Variants in TNFRSF10A observed in about 807,000 individuals in gnomAD.
TNFRSF10A encodes the protein tumor necrosis factor receptor superfamily member 10A.
In TNFRSF10A, 44 loss-of-function variants were observed where a neutral mutation model predicts 42.8. That is an observed-to-expected ratio of 1.03 (90% CI 0.81 to 1.32). The LOEUF (loss-of-function observed/expected upper bound fraction) is 1.32, where lower values mean the gene tolerates loss of function less well. Ranked by LOEUF, TNFRSF10A falls within the 40% of genes most tolerant of loss-of-function variation. The pLI, the probability that TNFRSF10A is intolerant of heterozygous loss-of-function variation, is 0.00. For missense variants in TNFRSF10A, 680 were observed against 602.0 expected (o/e 1.13, Z -1.36); for synonymous variants, 259 against 234.2 (o/e 1.11, Z -0.97).
chr8:23,217,532 A>G (rs1801201180), intron 1 of TNFRSF10A, among the ~76,000 whole-genome samples: 1 of 151,996 alleles, frequency 6.6e-6, no homozygotes, highest in South Asian at 2.1e-4. Context: ...CACTTCTAAC[A>G]CTAAAAATAG....
intron 2 of TNFRSF10A, among the ~76,000 whole-genome samples, chr8:23,203,781 C>CTTT (rs373965763): frequency 7.3e-6 from 1 of 136,530 alleles, no homozygotes; most frequent in Non-Finnish European, 1.6e-5. Context: ...ATAATAAAGG[C>CTTT]TTTTTTTTTT....
intron 2 of TNFRSF10A, among the ~76,000 whole-genome samples, chr8:23,209,224 T>A (rs1585284780): frequency 6.6e-6 from 1 of 152,210 alleles, no homozygotes; most frequent in Non-Finnish European, 1.5e-5. Flanking sequence ...AGAAGATGTA[T>A]GAAAACGCCT....
In TNFRSF10A at chr8:23,200,729, A is replaced by G. The variant is rs762305247; in HGVS notation, c.661T>C (p.Cys221Arg). The G allele has an allele frequency of 8.7e-6, 14 of 1,613,600 alleles. No individual in the cohort carries two copies. In the Admixed American group the frequency reaches 1.8e-4, roughly 21 times the overall value. ...CACTCGATGTCACTCCAGGGCGTACAATCCTTGACCTTGACCATCCCTCTG... is the reference window on the plus strand; with the variant it reads ...CACTCGATGTCACTCCAGGGCGTACGATCCTTGACCTTGACCATCCCTCTG... ...CPRGMVKVKD[C>R]TPWSDIECVH... Residue 221 changes from cysteine (C) to arginine (R), a missense_variant, in exon 5 of 10, where the codon TGT (cysteine) becomes CGT (arginine). Cys to Arg is a radical substitution (Grantham distance 180, BLOSUM62 -3). Coordinates refer to ENST00000221132, the MANE Select transcript of TNFRSF10A (RefSeq NM_003844.4).
rs1367544957 is a variant in TNFRSF10A, at chr8:23,191,054, C to G, written c.*640G>C. On this transcript the variant is annotated 3_prime_UTR_variant, in exon 10 of 10. Coordinates refer to ENST00000221132, the MANE Select transcript of TNFRSF10A (RefSeq NM_003844.4). ...CCCAGTCTGTCGGACGGTGCCCCCCCAAATTAAGGGTAGGTCTTTTCCACT... is the reference window on the plus strand; with the variant it reads ...CCCAGTCTGTCGGACGGTGCCCCCCGAAATTAAGGGTAGGTCTTTTCCACT... 1.3e-5 allele frequency: 2 copies of G among 152,044 alleles called. No individual in the cohort carries two copies. Among genetic ancestry groups the G allele is most frequent in the African/African-American group, 4.8e-5 (2 of 41,378 alleles). 9.4% of individuals were successfully genotyped at this position (152,044 alleles called of 1,614,324 possible).
intron 9 of TNFRSF10A, among the ~76,000 whole-genome samples, chr8:23,195,349 T>C (rs764805000): frequency 7.2e-5 from 11 of 152,224 alleles, no homozygotes; most frequent in Non-Finnish European, 1.3e-4. Flanking sequence ...TTTTTTCTTC[T>C]TTGCTATTTA....
intron 1 of TNFRSF10A, among the ~76,000 whole-genome samples, chr8:23,220,922 C>A (rs951603202): frequency 6.6e-6 from 1 of 152,198 alleles, no homozygotes; most frequent in Non-Finnish European, 1.5e-5. Flanking sequence ...CAAACTGCAA[C>A]CAGTGCCGGG....
At chr8:23,200,880 T>A (rs1282369667) in intron 4 of TNFRSF10A, 120 bp from the exon 5 acceptor site, 12 of 930,186 alleles carry the variant, frequency 1.3e-5, no homozygotes, top group Non-Finnish European at 2.1e-5. Flanking sequence ...AAGGATAGTC[T>A]CCTCGTATCT....
At chr8:23,203,969 G>A (rs1451905257) in intron 2 of TNFRSF10A, among the ~76,000 whole-genome samples, 1 of 151,512 alleles carries the variant, frequency 6.6e-6, no homozygotes, top group Non-Finnish European at 1.5e-5. Flanking sequence ...GTAGAGACGG[G>A]GTTTCACTAG....
In TNFRSF10A at chr8:23,199,435, C is replaced by A. The variant is rs144670447; in HGVS notation, c.845G>T (p.Arg282Leu). 7 of 1,611,672 alleles carry A rather than the reference C, an allele frequency of 4.3e-6. No homozygotes were observed. The African/African-American group carries it at 8.0e-5, about 18-fold the overall frequency. The change falls in exon 8 of 10, where the codon CGC becomes CTC. Residue 282 changes from arginine (R) to leucine (L), a missense_variant. Transcript: ENST00000221132. ...PKCMDRVCFW[R>L]LGLLRGPGAE... The stretch of plus-strand genomic sequence containing the variant: ...CCCAGGCCCTCGTAGGAGACCCAAG[C>A]GCCAGAAACACACCTTAGGAAGGCA...
Position 23,224,944 on chromosome 8 carries a change from A to G in TNFRSF10A, c.118T>C (p.Ser40Pro). The change falls in exon 1 of 10, where the codon TCT becomes CCT. Residue 40 changes from serine to proline, a missense_variant. Ser to Pro is a moderately conservative substitution (Grantham distance 74). Transcript: ENST00000221132. ...AAATPSKVWG[S>P]SAGRIEPRGG... ...CGTGGTTCAATCCTCCCCGCGGAAG[A>G]GCCCCACACTTTGCTGGGTGTGGCC... 1.2e-6 allele frequency: 2 copies of G among 1,600,442 alleles called. No individual in the cohort carries two copies. The highest frequency in any genetic ancestry group is 8.5e-7 in the Non-Finnish European group (1 of 1,173,702).
rs550065246 is a variant in TNFRSF10A, at chr8:23,196,280, G to A, written c.1087+852C>T. Among the ~76,000 whole-genome samples, 107 of 152,162 alleles carry A rather than the reference G, an allele frequency of 7.0e-4. 2 individuals are homozygous for A. Among genetic ancestry groups the A allele is most frequent in the African/African-American group, 2.5e-3 (103 of 41,504 alleles). ...GCTATCTTGGCTCACTGCAAGCTCT[G>A]CCTCCCGGGTTCATGCCATTCTCCT... On this transcript the variant is annotated intron_variant, in intron 9 of 9. Coordinates refer to ENST00000221132, the MANE Select transcript of TNFRSF10A (RefSeq NM_003844.4).
intron 6 of TNFRSF10A, 56 bp from the exon 7 acceptor site, chr8:23,199,973 T>A: frequency 6.4e-7 from 1 of 1,569,710 alleles, no homozygotes; most frequent in Non-Finnish European, 8.8e-7. Flanking sequence ...CAGCACTCCT[T>A]CTTAGAGGGC....
chr8:23,214,424 C>T (rs1001355861), intron 1 of TNFRSF10A, among the ~76,000 whole-genome samples: 2 of 151,458 alleles, frequency 1.3e-5, no homozygotes, highest in African/African-American at 4.9e-5. Flanking sequence ...AGAGACGGAG[C>T]TTGCAGTGAG....
At chr8:23,196,350 C>G (rs111308575) in intron 9 of TNFRSF10A, among the ~76,000 whole-genome samples, 7 of 152,040 alleles carry the variant, frequency 4.6e-5, no homozygotes, top group East Asian at 1.9e-4. Context: ...CCCGCCAATA[C>G]GCCTGGCTAA....
rs756047313 is a variant in TNFRSF10A, at chr8:23,200,740, T to G, written c.650A>C (p.Lys217Thr). The change falls in exon 5 of 10, where the codon AAG becomes ACG. Residue 217 changes from lysine (K) to threonine (T), a missense_variant. Coordinates refer to ENST00000221132, the MANE Select transcript of TNFRSF10A (RefSeq NM_003844.4). Reference sequence around the variant, plus strand: ...ACTCCAGGGCGTACAATCCTTGACCTTGACCATCCCTCTGGGGCACCTGGG... The same window carrying G: ...ACTCCAGGGCGTACAATCCTTGACCGTGACCATCCCTCTGGGGCACCTGGG... ...CSRGCPRGMV[K>T]VKDCTPWSDI... 6.8e-6 allele frequency: 11 copies of G among 1,612,768 alleles called. No individual in the cohort carries two copies. Among genetic ancestry groups the G allele is most frequent in the Non-Finnish European group, 9.3e-6 (11 of 1,179,704 alleles).
intron 8 of TNFRSF10A, among the ~76,000 whole-genome samples, chr8:23,198,331 G>A (rs1476704092): frequency 1.3e-5 from 2 of 152,168 alleles, no homozygotes; most frequent in Non-Finnish European, 2.9e-5. Flanking sequence ...AGTTAGAGGA[G>A]TTCGTCTTGT....
At chr8:23,222,241 A>G (rs1488163686) in intron 1 of TNFRSF10A, among the ~76,000 whole-genome samples, 3 of 152,140 alleles carry the variant, frequency 2.0e-5, no homozygotes, top group Non-Finnish European at 4.4e-5. Context: ...ACAATTTAGC[A>G]ATATCCAAAC....
intron 9 of TNFRSF10A, 43 bp from the exon 10 acceptor site, chr8:23,192,056 T>C: frequency 1.9e-6 from 3 of 1,576,240 alleles, no homozygotes; most frequent in Non-Finnish European, 2.6e-6. Flanking sequence ...GAGTTGGGAC[T>C]CAGTTCAGAA....
intron 7 of TNFRSF10A, 86 bp downstream of exon 7, chr8:23,199,800 G>A (rs1023880199): frequency 2.3e-5 from 37 of 1,589,984 alleles, no homozygotes; most frequent in Admixed American, 2.2e-4. Flanking sequence ...ATGAGAGCAC[G>A]GGGACCCACC....
Sources: allele counts gnomAD v4.1 joint callset (sites outside exome capture counted in the v4.1 genomes callset), GRCh38; gene constraint gnomAD v4.1.1; transcripts MANE v1.5; gene names NCBI Gene and HGNC (gene_info 2026-07-23, HGNC 2026-07-21).